CCDC171: variants seen among roughly 807,000 people sequenced by gnomAD.
The protein encoded by CCDC171 is coiled-coil domain containing 171.
Under a neutral mutation model 168.2 loss-of-function variants are expected in CCDC171, and 177 were observed. That is an observed-to-expected ratio of 1.05 (90% CI 0.93 to 1.19). The LOEUF is 1.19. Among genes scored for constraint, CCDC171 ranks in the 50% most tolerant of loss-of-function variants. The probability of loss-of-function intolerance (pLI) is 0.00; values close to 1 mark genes in which losing one functional copy is unlikely to be tolerated. For synonymous variants in CCDC171, 687 were observed against 540.8 expected, an observed-to-expected ratio of 1.27 and a Z score of -3.75; for missense variants, 1,991 against 1,539.0, an observed-to-expected ratio of 1.29 and a Z score of -4.91.
intron 24 of CCDC171, among the ~76,000 whole-genome samples, chr9:15,918,980 CA>C (rs1824937929): frequency 6.6e-6 from 1 of 151,594 alleles, no homozygotes; most frequent in South Asian, 2.1e-4. Flanking sequence ...CCTGAAGCTC[CA>C]AATATGTATA....
intron 18 of CCDC171, among the ~76,000 whole-genome samples, chr9:15,748,363 T>G (rs1412397834): frequency 1.3e-5 from 2 of 152,116 alleles, no homozygotes; most frequent in Non-Finnish European, 2.9e-5. Context: ...TATCTGAAAG[T>G]GACGAGGAGA....
chr9:15,599,608 A>C (rs1242538266), intron 6 of CCDC171, among the ~76,000 whole-genome samples: 1 of 152,066 alleles, frequency 6.6e-6, no homozygotes, highest in Admixed American at 6.6e-5. Flanking sequence ...AACTTTGGTG[A>C]ATCTGACAAT....
chr9:15,584,031 T>G (rs1378545212), intron 4 of CCDC171, among the ~76,000 whole-genome samples: 1 of 152,072 alleles, frequency 6.6e-6, no homozygotes, highest in Non-Finnish European at 1.5e-5. Flanking sequence ...CACGCCCGGC[T>G]AATTTTCTTG....
chr9:15,661,984 T>C (rs1164611523), intron 8 of CCDC171, among the ~76,000 whole-genome samples: 1 of 152,234 alleles, frequency 6.6e-6, no homozygotes, highest in African/African-American at 2.4e-5. Flanking sequence ...AGTATAAGAA[T>C]AAACGTTTCA....
At chr9:15,706,170 G>T (rs1338968186) in intron 11 of CCDC171, among the ~76,000 whole-genome samples, 1 of 152,142 alleles carries the variant, frequency 6.6e-6, no homozygotes, top group African/African-American at 2.4e-5. Context: ...AATTCTTATA[G>T]TAGGATGTGT....
At chr9:15,608,467 G>C (rs1446337794) in intron 6 of CCDC171, among the ~76,000 whole-genome samples, 1 of 152,038 alleles carries the variant, frequency 6.6e-6, no homozygotes, top group African/African-American at 2.4e-5. Context: ...CAGCCTCTTG[G>C]TATTTTTCAG....
chr9:16,090,951 T>C, the CCDC171 span, among the ~76,000 whole-genome samples: 1 of 152,184 alleles, frequency 6.6e-6, no homozygotes, highest in Non-Finnish European at 1.5e-5. Context: ...TCTGACCATA[T>C]CTTTTTTCCA....
intron 9 of CCDC171, among the ~76,000 whole-genome samples, chr9:15,673,755 T>A (rs746308302): frequency 2.6e-5 from 4 of 152,226 alleles, no homozygotes; most frequent in Non-Finnish European, 5.9e-5. Flanking sequence ...TTTGCCAGTA[T>A]TTTAATGAGG....
At chr9:15,741,194 G>A (rs2054858086) in intron 16 of CCDC171, among the ~76,000 whole-genome samples, 1 of 152,144 alleles carries the variant, frequency 6.6e-6, no homozygotes, top group Non-Finnish European at 1.5e-5. Context: ...GGCATTAAGT[G>A]TGTTCACAGT....
chr9:15,666,641 A>T (rs181680656), intron 9 of CCDC171, among the ~76,000 whole-genome samples: 2 of 152,272 alleles, frequency 1.3e-5, no homozygotes, highest in East Asian at 3.9e-4. Flanking sequence ...TGGGCAACAT[A>T]GTGAGACTTT....
At chr9:15,876,707 T>A (rs1817887946) in intron 24 of CCDC171, among the ~76,000 whole-genome samples, 1 of 152,172 alleles carries the variant, frequency 6.6e-6, no homozygotes, top group Non-Finnish European at 1.5e-5. Context: ...TGTAGACTAA[T>A]TATGGGCTAA....
At chr9:15,636,903 A>G (rs989905865) in intron 7 of CCDC171, among the ~76,000 whole-genome samples, 10 of 152,072 alleles carry the variant, frequency 6.6e-5, no homozygotes, top group Admixed American at 6.6e-4. Flanking sequence ...AGGCTGTACT[A>G]TGTAATAACG....
chr9:15,680,923 C>A (rs2049998087), intron 10 of CCDC171, among the ~76,000 whole-genome samples: 1 of 152,122 alleles, frequency 6.6e-6, no homozygotes, highest in Admixed American at 6.6e-5. Flanking sequence ...ATATAGGTTG[C>A]ATGAATTTTC....
At position 15,626,966 on chromosome 9, in the gene CCDC171, G is replaced by A. The variant is rs896255970; in HGVS notation, c.822+3553G>A. Among the ~76,000 whole-genome samples, 6 of 151,756 alleles carry A rather than the reference G, an allele frequency of 4.0e-5. No homozygotes were observed. In the East Asian group the frequency reaches 7.7e-4, roughly 20 times the overall value. On this transcript the variant is annotated intron_variant, in intron 7 of 25. Coordinates refer to ENST00000380701, the MANE Select transcript of CCDC171 (RefSeq NM_173550.4). ...GGTCCTGGACATTTTTTGGTTTGTAGGCTATTAATTATTGCCTCAATTTCA... is the reference window on the plus strand; with the variant it reads ...GGTCCTGGACATTTTTTGGTTTGTAAGCTATTAATTATTGCCTCAATTTCA...
At chr9:15,934,187 G>T (rs1002717696) in intron 25 of CCDC171, among the ~76,000 whole-genome samples, 1 of 151,414 alleles carries the variant, frequency 6.6e-6, no homozygotes, top group South Asian at 2.1e-4. Context: ...TGAGGCCAGG[G>T]AGACCACCCT....
chr9:15,912,653 A>G (rs1823873184), intron 24 of CCDC171, among the ~76,000 whole-genome samples: 1 of 152,220 alleles, frequency 6.6e-6, no homozygotes, highest in African/African-American at 2.4e-5. Flanking sequence ...TTGCCCATTC[A>G]GTATGATATT....
At chr9:15,587,568 A>G in intron 4 of CCDC171, 2 of 452,662 alleles carry the variant, frequency 4.4e-6, no homozygotes, top group South Asian at 3.1e-5. Flanking sequence ...ACAGACGAAT[A>G]CAAAGCCAGG....
At chr9:15,622,959 T>C (rs535597627) in intron 6 of CCDC171, among the ~76,000 whole-genome samples, 22 of 152,248 alleles carry the variant, frequency 1.4e-4, no homozygotes, top group Non-Finnish European at 2.9e-4. Flanking sequence ...TATATGATAG[T>C]TGAACTACTG....
intron 11 of CCDC171, among the ~76,000 whole-genome samples, chr9:15,701,725 G>C (rs1237007496): frequency 6.6e-6 from 1 of 151,808 alleles, no homozygotes; most frequent in Non-Finnish European, 1.5e-5. Context: ...CTCTGCTGCT[G>C]GTTTATCAAC....
Sources: allele counts gnomAD v4.1 joint callset (sites outside exome capture counted in the v4.1 genomes callset), GRCh38; gene constraint gnomAD v4.1.1; transcripts MANE v1.5; gene names NCBI Gene and HGNC (gene_info 2026-07-23, HGNC 2026-07-21).